C1orf87: variants seen among roughly 807,000 people sequenced by gnomAD.
The protein encoded by C1orf87 is chromosome 1 open reading frame 87.
In C1orf87, 58 loss-of-function variants were observed where a neutral mutation model predicts 60.5. The observed-to-expected ratio is 0.96, with a 90% CI of 0.78 to 1.19. The LOEUF is 1.19. Among genes scored for constraint, C1orf87 ranks in the 50% most tolerant of loss-of-function variants. C1orf87 has a pLI of 0.00. For synonymous variants in C1orf87, 236 were observed against 227.4 expected, an observed-to-expected ratio of 1.04 and a Z score of -0.34; for missense variants, 673 against 638.6, an observed-to-expected ratio of 1.05 and a Z score of -0.58.
chr1:59,996,885 A>T (rs1251550519), intron 11 of C1orf87, among the ~76,000 whole-genome samples: 2 of 152,172 alleles, frequency 1.3e-5, no homozygotes, highest in Non-Finnish European at 2.9e-5. Context: ...TAAACAAGGA[A>T]GATAGTCTAC....
chr1:60,042,957 A>C (rs997798991), intron 3 of C1orf87, among the ~76,000 whole-genome samples: 1 of 152,196 alleles, frequency 6.6e-6, no homozygotes, highest in African/African-American at 2.4e-5. Context: ...GTCTGAAGGG[A>C]ATGGCATCTA....
chr1:60,014,184 G>A (rs1400301943), intron 8 of C1orf87, among the ~76,000 whole-genome samples: 4 of 152,146 alleles, frequency 2.6e-5, no homozygotes, highest in African/African-American at 9.7e-5. Flanking sequence ...GAAAGGAGAT[G>A]TGGGGAACCA....
rs1248900272 is a variant in C1orf87, at chr1:60,041,182, A to G, written c.343-51T>C. Reference sequence around the variant, plus strand: ...GCAAGGAGCAGAAGAGGAGGTAGGGAAGAGAAAGAGGAAAGAATGGAGAAA... The same window carrying G: ...GCAAGGAGCAGAAGAGGAGGTAGGGGAGAGAAAGAGGAAAGAATGGAGAAA... On this transcript the variant is annotated intron_variant, in intron 3 of 11. Coordinates refer to ENST00000371201, the MANE Select transcript of C1orf87 (RefSeq NM_152377.3). 3 of 1,418,532 alleles carry G rather than the reference A, an allele frequency of 2.1e-6. No homozygotes were observed. In the African/African-American group the frequency reaches 4.3e-5, roughly 20 times the overall value. The allele number at this position is 1,418,532 out of a possible 1,614,324, so 87.9% of individuals were successfully genotyped here.
intron 8 of C1orf87, among the ~76,000 whole-genome samples, chr1:60,025,036 A>G (rs568361589): frequency 5.3e-4 from 81 of 152,334 alleles, no homozygotes; most frequent in Admixed American, 5.3e-3. Flanking sequence ...GCATCCTAAC[A>G]GAGGACAGAA....
intron 7 of C1orf87, among the ~76,000 whole-genome samples, chr1:60,033,114 C>A (rs556585221): frequency 1.3e-5 from 2 of 152,226 alleles, no homozygotes; most frequent in East Asian, 3.9e-4. Context: ...TTTGGTTTTG[C>A]TAAGGGTTGG....
chr1:60,041,147 A>G lies in C1orf87; in HGVS notation c.343-16T>C. 6.5e-7 allele frequency: 1 copy of G among 1,536,078 alleles called. No homozygotes were observed. The highest frequency in any genetic ancestry group is 1.4e-5 in the African/African-American group (1 of 73,446). On this transcript the variant is annotated splice_polypyrimidine_tract_variant and intron_variant, in intron 3 of 11. Coordinates refer to ENST00000371201, the MANE Select transcript of C1orf87 (RefSeq NM_152377.3). ...GACTGGGAATCTTAACAGAACAAGG[A>G]CAAAGGGAAGCAAGGAGCAGAAGAG...
intron 8 of C1orf87, 56 bp downstream of exon 8, chr1:60,025,345 A>G: frequency 1.5e-6 from 2 of 1,358,292 alleles, no homozygotes; most frequent in Non-Finnish European, 2.1e-6. Context: ...TCACCATATC[A>G]TTTGGGGAAG....
At chr1:60,012,039 A>G (rs1052638281) in intron 8 of C1orf87, among the ~76,000 whole-genome samples, 1 of 152,064 alleles carries the variant, frequency 6.6e-6, no homozygotes, top group Non-Finnish European at 1.5e-5. Context: ...TAATAATTAT[A>G]TAAAGATCTG....
intron 11 of C1orf87, among the ~76,000 whole-genome samples, chr1:59,991,897 T>A (rs940459108): frequency 6.6e-6 from 1 of 152,196 alleles, no homozygotes; most frequent in African/African-American, 2.4e-5. Flanking sequence ...AATATCTATG[T>A]GTCAGATACT....
intron 3 of C1orf87, among the ~76,000 whole-genome samples, chr1:60,051,898 G>T (rs1414418701): frequency 6.6e-6 from 1 of 152,214 alleles, no homozygotes; most frequent in Admixed American, 6.5e-5. Flanking sequence ...CAGGTTTCTT[G>T]CTGGTGCAAT....
chr1:60,033,717 T>C lies in C1orf87; in HGVS notation c.864-76A>G, dbSNP rs533868497. ...CAGCTGCATGCTTTCCTACTACATT[T>C]CTCAACTTTGCTACACACTATGGAA... On this transcript the variant is annotated intron_variant, in intron 6 of 11. Coordinates refer to ENST00000371201, the MANE Select transcript of C1orf87 (RefSeq NM_152377.3). 1.8e-5 allele frequency: 27 copies of C among 1,501,274 alleles called. No individual in the cohort carries two copies. The East Asian group carries it at 6.1e-4, about 34-fold the overall frequency. The allele number at this position is 1,501,274 out of a possible 1,614,324, so 93.0% of individuals were successfully genotyped here.
chr1:60,061,936 C>T (rs1396522869), intron 2 of C1orf87, among the ~76,000 whole-genome samples: 1 of 151,952 alleles, frequency 6.6e-6, no homozygotes, highest in Non-Finnish European at 1.5e-5. Context: ...GGGTGATGGA[C>T]AGAGATCCTG....
intron 7 of C1orf87, among the ~76,000 whole-genome samples, chr1:60,029,155 G>A (rs1645219162): frequency 6.6e-6 from 1 of 151,936 alleles, no homozygotes; most frequent in African/African-American, 2.4e-5. Flanking sequence ...CCATCAAGTT[G>A]CCAAAGCCAG....
chr1:60,020,194 T>C (rs1645153479), intron 8 of C1orf87, among the ~76,000 whole-genome samples: 1 of 152,178 alleles, frequency 6.6e-6, no homozygotes, highest in Non-Finnish European at 1.5e-5. Context: ...GGCTTGAGGC[T>C]CTGTGCAGCC....
chr1:60,040,845 G>T, intron 4 of C1orf87, 146 bp downstream of exon 4: 1 of 734,508 alleles, frequency 1.4e-6, no homozygotes, highest in Non-Finnish European at 2.0e-6. Context: ...CTCCCAGCTT[G>T]GCTTCTCAAA....
At chr1:60,063,417 A>G (rs935626112) in intron 2 of C1orf87, among the ~76,000 whole-genome samples, 1 of 152,114 alleles carries the variant, frequency 6.6e-6, no homozygotes, top group African/African-American at 2.4e-5. Context: ...GTTACTCACC[A>G]CTTAACAGAC....
intron 11 of C1orf87, among the ~76,000 whole-genome samples, chr1:59,993,920 G>A (rs190907851): frequency 1.7e-4 from 26 of 151,872 alleles, no homozygotes; most frequent in African/African-American, 5.6e-4. Context: ...CACCACAGCC[G>A]GCTCATTTTT....
intron 9 of C1orf87, among the ~76,000 whole-genome samples, chr1:60,005,939 G>A (rs578225409): frequency 1.3e-5 from 2 of 151,910 alleles, no homozygotes; most frequent in South Asian, 2.1e-4. Context: ...TGACTCTCCA[G>A]TTCCAAGTCC....
intron 2 of C1orf87, among the ~76,000 whole-genome samples, chr1:60,064,287 T>TTA (rs1228906509): frequency 9.3e-6 from 1 of 107,640 alleles, no homozygotes; most frequent in African/African-American, 3.4e-5. Flanking sequence ...AAATTATATA[T>TTA]TATATATATA....
Sources: gnomAD v4.1 joint callset for allele counts (sites outside exome capture counted in the v4.1 genomes callset) on GRCh38, gnomAD v4.1.1 for gene constraint, MANE v1.5 for transcripts, NCBI Gene and HGNC (gene_info 2026-07-23, HGNC 2026-07-21) for gene names.